ST7L: variants seen among roughly 807,000 people sequenced by gnomAD.
ST7L encodes suppression of tumorigenicity 7 like, also known as suppressor of tumorigenicity 7 protein-like.
In ST7L, 57 loss-of-function variants were observed where a neutral mutation model predicts 72.5. That is an observed-to-expected ratio of 0.79 (90% CI 0.64 to 0.98). The LOEUF (loss-of-function observed/expected upper bound fraction) is 0.98, where lower values mean the gene tolerates loss of function less well. ST7L is among the 50% of genes least tolerant of loss of function. The pLI is 0.00. For synonymous variants in ST7L, 221 were observed against 240.9 expected, an observed-to-expected ratio of 0.92 and a Z score of 0.77; for missense variants, 576 against 672.2, an observed-to-expected ratio of 0.86 and a Z score of 1.58.
At chr1:112,606,235 C>T (rs573860152) in intron 3 of ST7L, among the ~76,000 whole-genome samples, 1 of 152,312 alleles carries the variant, frequency 6.6e-6, no homozygotes, top group African/African-American at 2.4e-5. Context: ...TCCAAATCTT[C>T]AAGTTGTGGT....
intron 14 of ST7L, among the ~76,000 whole-genome samples, chr1:112,537,057 G>A (rs1655332586): frequency 1.3e-5 from 2 of 151,672 alleles, no homozygotes; most frequent in African/African-American, 4.8e-5. Flanking sequence ...GTGCAGCGAC[G>A]CGATCTCGGC....
At position 112,526,100 on chromosome 1, in the gene ST7L, G is replaced by T. The variant is rs114685215; in HGVS notation, c.1641C>A (p.Leu547=). The change falls in exon 15 of 15, where the codon CTC becomes CTA. Residue 547 remains leucine, a synonymous_variant. Transcript: ENST00000358039. The part of the protein sequence containing the change: ...MGIFAKAVLG[L]WCPQPWASSG... Reference sequence around the variant, plus strand: ...AGGATGCCCAGGGTTGGGGGCACCAGAGTCCCAGCACCTTCAAAACAGAAA... The same window carrying T: ...AGGATGCCCAGGGTTGGGGGCACCATAGTCCCAGCACCTTCAAAACAGAAA... 11 of 1,614,026 alleles carry T rather than the reference G, an allele frequency of 6.8e-6. No homozygotes were observed. The Admixed American group carries it at 1.0e-4, about 15-fold the overall frequency.
At chr1:112,582,919 T>A (rs12084166) in intron 7 of ST7L, among the ~76,000 whole-genome samples, 2,177 of 152,238 alleles carry the variant, frequency 0.014, 66 homozygotes, top group African/African-American at 0.05. Flanking sequence ...AAAACAAAAT[T>A]TCCATGGCTA....
chr1:112,574,532 G>T (rs529982183), intron 11 of ST7L, among the ~76,000 whole-genome samples: 2 of 151,508 alleles, frequency 1.3e-5, no homozygotes, highest in East Asian at 2.0e-4. Context: ...GGTGGCGGGC[G>T]CCTGCAGTCT....
intron 12 of ST7L, among the ~76,000 whole-genome samples, chr1:112,555,204 A>G (rs1420638801): frequency 3.6e-5 from 5 of 140,716 alleles, no homozygotes; most frequent in Non-Finnish European, 6.2e-5. Flanking sequence ...TATTGTATAC[A>G]TCGGAAAACA....
intron 11 of ST7L, among the ~76,000 whole-genome samples, chr1:112,556,994 A>C (rs1169867063): frequency 7.0e-6 from 1 of 143,548 alleles, no homozygotes; most frequent in African/African-American, 2.8e-5. Context: ...ACAAAAAAAA[A>C]AAAACACAAA....
chr1:112,593,904 G>A (rs1014099352), intron 5 of ST7L, among the ~76,000 whole-genome samples: 1 of 152,062 alleles, frequency 6.6e-6, no homozygotes, highest in African/African-American at 2.4e-5. Flanking sequence ...CTTTATGTGA[G>A]GGTCTGAAAA....
At chr1:112,616,329 T>C (rs190966446) in intron 2 of ST7L, among the ~76,000 whole-genome samples, 1 of 152,342 alleles carries the variant, frequency 6.6e-6, no homozygotes, top group Admixed American at 6.5e-5. Flanking sequence ...CTCTTAAAAG[T>C]AGATTGGGAG....
chr1:112,587,244 A>T (rs918725588), intron 6 of ST7L, among the ~76,000 whole-genome samples: 1 of 152,176 alleles, frequency 6.6e-6, no homozygotes, highest in Non-Finnish European at 1.5e-5. Context: ...GTGGCTATTC[A>T]GTTCTTCCAC....
At position 112,523,902 on chromosome 1, in the gene ST7L, AAAGCT is replaced by A. The variant is rs1458987046; in HGVS notation, c.*2106_*2110del. 3 of 152,058 alleles carry A rather than the reference AAAGCT, an allele frequency of 2.0e-5. No individual in the cohort carries two copies. The highest frequency in any genetic ancestry group is 4.4e-5 in the Non-Finnish European group (3 of 68,020). 9.4% of individuals were successfully genotyped at this position (152,058 alleles called of 1,614,324 possible). ...CAGCCTTAACCTAGCCCTGCAGATA[AAAGCT>A]AACTTTTATTAATACCAGCCCTGAA... is the stretch of plus-strand genomic sequence containing the variant. On this transcript the variant is annotated 3_prime_UTR_variant, in exon 15 of 15. Transcript: ENST00000358039.
At chr1:112,617,925 A>G in intron 1 of ST7L, 1 of 1,181,846 alleles carries the variant, frequency 8.5e-7, no homozygotes, top group Non-Finnish European at 1.1e-6. Flanking sequence ...TCTTCAGTTT[A>G]GCTTATTTTA....
intron 11 of ST7L, among the ~76,000 whole-genome samples, chr1:112,574,397 C>T (rs1469144941): frequency 3.3e-5 from 5 of 151,560 alleles, no homozygotes; most frequent in South Asian, 2.1e-4. Flanking sequence ...CACTGGCTCA[C>T]GCCTGTAATC....
chr1:112,564,087 T>C (rs1043222061), intron 11 of ST7L, among the ~76,000 whole-genome samples: 4 of 152,168 alleles, frequency 2.6e-5, no homozygotes, highest in Non-Finnish European at 4.4e-5. Flanking sequence ...AGAGTCCACA[T>C]TGGTATGTAT....
rs749489502 is a variant in ST7L, at chr1:112,619,127, C to G, written c.-14G>C. The G allele has an allele frequency of 7.6e-5, 122 of 1,612,078 alleles. No individual in the cohort carries two copies. In the East Asian group the frequency reaches 2.7e-3, roughly 36 times the overall value. The stretch of plus-strand genomic sequence containing the variant: ...ACGGTCCGCCATCTTGCCGCTATCG[C>G]AGGCGCCAGGAGCTGGGAGGGGAGA... On this transcript the variant is annotated 5_prime_UTR_variant, in exon 1 of 15. Coordinates refer to ENST00000358039, the MANE Select transcript of ST7L (RefSeq NM_017744.5).
rs1219209263 is a variant in ST7L, at chr1:112,552,200, C to T, written c.1397-1507G>A. ...GGATGTAAGGGGAAACCCACAAAGG[C>T]ATGGGAATATCTTGCAAACTTCACA... On this transcript the variant is annotated intron_variant, in intron 12 of 14. Coordinates refer to ENST00000358039, the MANE Select transcript of ST7L (RefSeq NM_017744.5). 2.0e-5 allele frequency among the ~76,000 whole-genome samples: 3 copies of T among 152,194 alleles called. No individual in the cohort carries two copies. In the East Asian group the frequency reaches 5.8e-4, roughly 29 times the overall value.
chr1:112,573,439 AC>A (rs1662507604), intron 11 of ST7L, among the ~76,000 whole-genome samples: 2 of 152,010 alleles, frequency 1.3e-5, no homozygotes, highest in African/African-American at 4.8e-5. Context: ...TTTTATGAAT[AC>A]CTTATGTCAA....
intron 13 of ST7L, among the ~76,000 whole-genome samples, chr1:112,543,800 C>T (rs1656596427): frequency 7.3e-6 from 1 of 137,758 alleles, no homozygotes; most frequent in Non-Finnish European, 1.5e-5. Context: ...ACCTGAGAGG[C>T]AGAGGTTGCA....
At chr1:112,617,979 A>T (rs540348939) in intron 1 of ST7L, 20 of 1,303,564 alleles carry the variant, frequency 1.5e-5, no homozygotes, top group Non-Finnish European at 2.0e-5. Context: ...CTCCAAAAAA[A>T]CCAAAATATT....
At chr1:112,609,084 T>G (rs1668678280) in intron 3 of ST7L, among the ~76,000 whole-genome samples, 1 of 152,150 alleles carries the variant, frequency 6.6e-6, no homozygotes, top group Non-Finnish European at 1.5e-5. Context: ...TCCAACATTT[T>G]GGGAGACTGA....
Sources: gnomAD v4.1 joint callset for allele counts (sites outside exome capture counted in the v4.1 genomes callset) on GRCh38, gnomAD v4.1.1 for gene constraint, MANE v1.5 for transcripts, NCBI Gene and HGNC (gene_info 2026-07-23, HGNC 2026-07-21) for gene names.